GKAP1: variants seen among roughly 807,000 people sequenced by gnomAD.
GKAP1 encodes the protein G kinase anchoring protein 1.
GKAP1 carries 31 observed loss-of-function variants against 56.7 expected under a neutral mutation model. The ratio of observed to expected loss-of-function variants is 0.55; its 90% CI spans 0.41 to 0.74. The LOEUF is 0.74. Among genes scored for constraint, GKAP1 ranks in the 30% least tolerant of loss-of-function variants. GKAP1 has a pLI of 0.00. For synonymous variants in GKAP1, 151 were observed against 138.6 expected (o/e 1.09, Z -0.63); for missense variants, 364 against 402.3 (o/e 0.90, Z 0.82).
At chr9:83,779,573 A>ATGTATATGTG (rs1943932806) in intron 7 of GKAP1, among the ~76,000 whole-genome samples, 1 of 93,174 alleles carries the variant, frequency 1.1e-5, no homozygotes, top group African/African-American at 7.0e-5. Flanking sequence ...ATATATACAC[A>ATGTATATGTG]CATATATATA....
In GKAP1 at chr9:83,817,663, G is replaced by C. The variant is rs1944645047; in HGVS notation, c.-322C>G. 1 of 151,152 alleles carries C rather than the reference G, an allele frequency of 6.6e-6. No individual in the cohort carries two copies. The highest frequency in any genetic ancestry group is 2.4e-5 in the African/African-American group (1 of 41,172). 9.4% of individuals were successfully genotyped at this position (151,152 alleles called of 1,614,324 possible). A position where few individuals can be genotyped will look rare whatever the true frequency, so the allele number is the denominator to read the frequency against. ...GCTGGGGGCAGGCTCGCGCCGGGCG[G>C]GGGTCGCGGTCGGCCCACAGGCTGG... On this transcript the variant is annotated 5_prime_UTR_variant, in exon 1 of 13. Transcript: ENST00000376371.
At chr9:83,815,961 G>A (rs1176762657) in intron 2 of GKAP1, among the ~76,000 whole-genome samples, 2 of 149,412 alleles carry the variant, frequency 1.3e-5, no homozygotes, top group African/African-American at 5.0e-5. Flanking sequence ...GCAGAGGTGG[G>A]CAGATCACGA....
At position 83,766,834 on chromosome 9, in the gene GKAP1, T is replaced by A. The variant is rs572889892; in HGVS notation, c.738+1984A>T. On this transcript the variant is annotated intron_variant, in intron 8 of 12. Coordinates refer to ENST00000376371, the MANE Select transcript of GKAP1 (RefSeq NM_025211.4). The stretch of plus-strand genomic sequence containing the variant: ...CAGATGAGAACATTAGCAGTGTTTT[T>A]AGAAATACCTTTTAAACACCTGGTG... 4.7e-5 allele frequency among the ~76,000 whole-genome samples: 7 copies of A among 150,456 alleles called. No individual in the cohort carries two copies. The East Asian group carries it at 1.4e-3, about 30-fold the overall frequency.
chr9:83,759,363 C>T (rs1943531193), intron 8 of GKAP1, among the ~76,000 whole-genome samples: 1 of 152,068 alleles, frequency 6.6e-6, no homozygotes, highest in South Asian at 2.1e-4. Context: ...CAGGTTCAAT[C>T]AATCCTCCCA....
intron 3 of GKAP1, among the ~76,000 whole-genome samples, chr9:83,803,297 T>C (rs1002889367): frequency 2.0e-5 from 3 of 147,016 alleles, no homozygotes; most frequent in African/African-American, 5.0e-5. Flanking sequence ...CTCCCTCTGA[T>C]GCCGAGCCGA....
At chr9:83,798,212 A>C (rs1944278029) in intron 4 of GKAP1, among the ~76,000 whole-genome samples, 2 of 152,230 alleles carry the variant, frequency 1.3e-5, no homozygotes, top group South Asian at 4.1e-4. Flanking sequence ...TAGACCTAAC[A>C]TCTGCTAGAA....
chr9:83,793,248 T>C (rs1564208371), intron 4 of GKAP1, among the ~76,000 whole-genome samples: 1 of 152,218 alleles, frequency 6.6e-6, no homozygotes, highest in Non-Finnish European at 1.5e-5. Context: ...CATGGAAATA[T>C]AGTTACTATA....
chr9:83,760,837 C>T (rs1272697709), intron 8 of GKAP1, among the ~76,000 whole-genome samples: 1 of 151,782 alleles, frequency 6.6e-6, no homozygotes, highest in African/African-American at 2.4e-5. Context: ...GGAAATAACA[C>T]ACCAAAAGCT....
chr9:83,812,838 C>T (rs988213977), intron 2 of GKAP1, among the ~76,000 whole-genome samples: 6 of 152,258 alleles, frequency 3.9e-5, no homozygotes, highest in Admixed American at 6.5e-5. Context: ...ACATCAGTGA[C>T]AGACAAGTCA....
chr9:83,799,071 A>T, intron 4 of GKAP1, 114 bp downstream of exon 4: 2 of 823,604 alleles, frequency 2.4e-6, no homozygotes, highest in Non-Finnish European at 3.9e-6. Flanking sequence ...AATATGAATT[A>T]ATCCAATACA....
rs777061715 is a variant in GKAP1, at chr9:83,780,389, T to C, written c.578A>G (p.Lys193Arg). 3 of 1,403,864 alleles carry C rather than the reference T, an allele frequency of 2.1e-6. No homozygotes were observed. Among genetic ancestry groups the C allele is most frequent in the Non-Finnish European group, 2.9e-6 (3 of 1,020,614 alleles). 87.0% of individuals were successfully genotyped at this position (1,403,864 alleles called of 1,614,324 possible). ...GGCTACAATAAGACTTACCTCAGTCTTTTTACTAATGTGATCTGTAAATGA... is the reference window on the plus strand; with the variant it reads ...GGCTACAATAAGACTTACCTCAGTCCTTTTACTAATGTGATCTGTAAATGA... Reference protein sequence around the residue: ...DFHSEDHISKKTEELSSSQTL... With the variant: ...DFHSEDHISKRTEELSSSQTL... The change falls in exon 7 of 13, where the codon AAG (lysine) becomes AGG (arginine). Residue 193 changes from lysine to arginine, a missense_variant. By Grantham distance (26) the Lys-to-Arg change is conservative. Coordinates refer to ENST00000376371, the MANE Select transcript of GKAP1 (RefSeq NM_025211.4).
At chr9:83,750,505 A>G (rs773478162) in intron 9 of GKAP1, among the ~76,000 whole-genome samples, 15 of 152,196 alleles carry the variant, frequency 9.9e-5, no homozygotes, top group Non-Finnish European at 2.1e-4. Context: ...TCCAAGCCTC[A>G]GCAACATGCA....
At position 83,752,858 on chromosome 9, in the gene GKAP1, G is replaced by A. The variant is rs189061046; in HGVS notation, c.840+400C>T. Among the ~76,000 whole-genome samples, 617 of 152,144 alleles carry A rather than the reference G, an allele frequency of 4.1e-3. 2 individuals carry two copies. The highest frequency in any genetic ancestry group is 6.8e-3 in the Non-Finnish European group (463 of 67,994). Reference sequence around the variant, plus strand: ...GGCTGGGGTGGGCGGATCTCTTGAGGCCAGGAGTTCGTGACCAGCCTGGCC... The same window carrying A: ...GGCTGGGGTGGGCGGATCTCTTGAGACCAGGAGTTCGTGACCAGCCTGGCC... On this transcript the variant is annotated intron_variant, in intron 9 of 12. Coordinates refer to ENST00000376371, the MANE Select transcript of GKAP1 (RefSeq NM_025211.4).
Position 83,779,446 on chromosome 9 carries a change from T to TAC in GKAP1, c.585+935_585+936insGT, listed in dbSNP as rs1451197767. Among the ~76,000 whole-genome samples, 82 of 118,028 alleles carry TAC rather than the reference T, an allele frequency of 6.9e-4. 5 individuals are homozygous for TAC. The highest frequency in any genetic ancestry group is 1.4e-3 in the African/African-American group (45 of 32,396). 77.4% of individuals were successfully genotyped at this position (118,028 alleles called of 152,430 possible). Reference sequence around the variant, plus strand: ...GAAGCCATATATATATATATATATATATACACACACACACACACGCACATA... The same window carrying TAC: ...GAAGCCATATATATATATATATATATACATACACACACACACACACGCACATA... On this transcript the variant is annotated intron_variant, in intron 7 of 12. Coordinates refer to ENST00000376371, the MANE Select transcript of GKAP1 (RefSeq NM_025211.4).
At chr9:83,752,408 T>A (rs1943405462) in intron 9 of GKAP1, among the ~76,000 whole-genome samples, 1 of 152,124 alleles carries the variant, frequency 6.6e-6, no homozygotes, top group South Asian at 2.1e-4. Context: ...AGAGCGAGAC[T>A]CTGTCTCACA....
chr9:83,810,628 C>G (rs1275707474), intron 2 of GKAP1, among the ~76,000 whole-genome samples: 1 of 152,182 alleles, frequency 6.6e-6, no homozygotes, highest in African/African-American at 2.4e-5. Flanking sequence ...AGCACCAGCA[C>G]AAGACCACTG....
At chr9:83,808,420 A>C (rs1203539305) in intron 2 of GKAP1, among the ~76,000 whole-genome samples, 1 of 152,122 alleles carries the variant, frequency 6.6e-6, no homozygotes, top group African/African-American at 2.4e-5. Context: ...ACATAGTGAG[A>C]CCCTGTCTCT....
At chr9:83,742,160 TC>T in intron 11 of GKAP1, 131 bp from the exon 12 acceptor site, 1 of 667,164 alleles carries the variant, frequency 1.5e-6, no homozygotes, top group Non-Finnish European at 2.6e-6. Flanking sequence ...CCCCATAATT[TC>T]CATTTGGTAT....
At chr9:83,747,830 T>C (rs1324007268) in intron 10 of GKAP1, among the ~76,000 whole-genome samples, 1 of 152,076 alleles carries the variant, frequency 6.6e-6, no homozygotes, top group Admixed American at 6.6e-5. Context: ...AGAGATGTGG[T>C]TTCACCATGT....
Sources: allele counts gnomAD v4.1 joint callset (sites outside exome capture counted in the v4.1 genomes callset), GRCh38; gene constraint gnomAD v4.1.1; transcripts MANE v1.5; gene names NCBI Gene and HGNC (gene_info 2026-07-23, HGNC 2026-07-21).